Variants in DDAH1 observed in about 807,000 individuals in gnomAD.
DDAH1 encodes the protein N(G),N(G)-dimethylarginine dimethylaminohydrolase 1.
A neutral mutation model predicts 28.8 loss-of-function variants in DDAH1; 19 were observed. The observed-to-expected ratio is 0.66, with a 90% CI of 0.46 to 0.97. The LOEUF (loss-of-function observed/expected upper bound fraction) is 0.97, where lower values mean the gene tolerates loss of function less well. Among genes scored for constraint, DDAH1 ranks in the 50% least tolerant of loss-of-function variants. The pLI, the probability that DDAH1 is intolerant of heterozygous loss-of-function variation, is 0.00. For synonymous variants in DDAH1, 153 were observed against 154.4 expected (o/e 0.99, Z 0.07); for missense variants, 326 against 375.9 (o/e 0.87, Z 1.10).
At chr1:85,363,238 G>A (rs550230454) in intron 1 of DDAH1, among the ~76,000 whole-genome samples, 1 of 152,282 alleles carries the variant, frequency 6.6e-6, no homozygotes, top group Admixed American at 6.5e-5. Flanking sequence ...TAAAGAATAT[G>A]CACCAATCTG....
chr1:85,549,225 G>A lies in DDAH1; in HGVS notation c.-123+28759C>T, dbSNP rs181505239. On this transcript the variant is annotated intron_variant, in intron 1 of 6. Transcript: ENST00000426972. Reference sequence around the variant, plus strand: ...AGTATTTTTGTCTCTCTTTCAGCATGGAATAAACTTTTTATTACACTACAC... The same window carrying A: ...AGTATTTTTGTCTCTCTTTCAGCATAGAATAAACTTTTTATTACACTACAC... Among the ~76,000 whole-genome samples, 136 of 152,210 alleles carry A rather than the reference G, an allele frequency of 8.9e-4. 2 individuals are homozygous for A. The East Asian group carries it at 0.019, about 21-fold the overall frequency.
At chr1:85,543,738 A>C (rs2100787681) in intron 1 of DDAH1, among the ~76,000 whole-genome samples, 1 of 152,332 alleles carries the variant, frequency 6.6e-6, no homozygotes, top group African/African-American at 2.4e-5. Context: ...ATATACATCT[A>C]TAAAAGTGGG....
intron 1 of DDAH1, among the ~76,000 whole-genome samples, chr1:85,407,267 T>C (rs1350482491): frequency 6.6e-6 from 1 of 152,156 alleles, no homozygotes; most frequent in African/African-American, 2.4e-5. Flanking sequence ...TTACAGACCA[T>C]GTAGAATAAA....
chr1:85,357,263 G>T (rs571392814), intron 2 of DDAH1, among the ~76,000 whole-genome samples: 2 of 152,180 alleles, frequency 1.3e-5, no homozygotes, highest in South Asian at 4.1e-4. Context: ...GGTTCAATGG[G>T]CATGCAAACC....
chr1:85,503,994 T>C lies in DDAH1; in HGVS notation c.-122-7713A>G, dbSNP rs529946401. ...GGCTTACAAGTCCACAGTAAAGAGT[T>C]TGGATTTTATTATAAATACAGGGAA... On this transcript the variant is annotated intron_variant, in intron 1 of 6. Coordinates refer to the DDAH1 transcript ENST00000426972. Among the ~76,000 whole-genome samples, 86 of 152,264 alleles carry C rather than the reference T, an allele frequency of 5.6e-4. 1 individual carries two copies. In the South Asian group the frequency reaches 0.016, roughly 28 times the overall value.
chr1:85,577,979 C>A, intron 1 of DDAH1: 1 of 985,500 alleles, frequency 1.0e-6, no homozygotes, highest in Non-Finnish European at 1.2e-6. Flanking sequence ...CGAAGCAACA[C>A]TTACCCATAA....
intron 1 of DDAH1, among the ~76,000 whole-genome samples, chr1:85,544,682 C>T (rs1291380360): frequency 6.6e-6 from 1 of 152,172 alleles, no homozygotes; most frequent in East Asian, 1.9e-4. Context: ...TCATCAGAGA[C>T]TATAAGACCC....
intron 4 of DDAH1, among the ~76,000 whole-genome samples, chr1:85,335,066 A>AT (rs1648022603): frequency 1.3e-5 from 2 of 152,280 alleles, no homozygotes; most frequent in South Asian, 4.1e-4. Context: ...TGAAAGAACA[A>AT]TACCTTCCAT....
chr1:85,328,600 G>C (rs888819597), intron 4 of DDAH1, among the ~76,000 whole-genome samples: 2 of 152,190 alleles, frequency 1.3e-5, no homozygotes, highest in African/African-American at 4.8e-5. Flanking sequence ...CGGTCATCCT[G>C]TCACATGAAT....
intron 2 of DDAH1, chr1:85,494,031 C>T (rs1332298768): frequency 2.6e-5 from 4 of 152,142 alleles, no homozygotes. Flanking sequence ...GCTGGCTTAT[C>T]CACTGACTTA....
intron 2 of DDAH1, among the ~76,000 whole-genome samples, chr1:85,483,077 G>A (rs1656065574): frequency 6.6e-6 from 1 of 151,864 alleles, no homozygotes; most frequent in African/African-American, 2.4e-5. Flanking sequence ...AACTGTGCGT[G>A]GTGGCACATG....
At chr1:85,394,546 G>C (rs996990051) in intron 1 of DDAH1, among the ~76,000 whole-genome samples, 8 of 152,042 alleles carry the variant, frequency 5.3e-5, no homozygotes, top group Admixed American at 5.2e-4. Context: ...GTAAATCTTT[G>C]GTAAATAAGG....
chr1:85,505,663 T>C (rs190691142), intron 1 of DDAH1, among the ~76,000 whole-genome samples: 7 of 152,294 alleles, frequency 4.6e-5, no homozygotes, highest in East Asian at 1.9e-4. Context: ...TTGAGCAAGA[T>C]TGTGCTAGAA....
chr1:85,454,491 G>A (rs1654798320), intron 1 of DDAH1, among the ~76,000 whole-genome samples: 1 of 152,204 alleles, frequency 6.6e-6, no homozygotes, highest in Admixed American at 6.5e-5. Flanking sequence ...GAATGGCCCT[G>A]CAGAATTTCT....
At chr1:85,329,699 C>T (rs1258591648) in intron 4 of DDAH1, among the ~76,000 whole-genome samples, 2 of 152,200 alleles carry the variant, frequency 1.3e-5, no homozygotes, top group South Asian at 2.1e-4. Context: ...AACAAAGCTA[C>T]CTTAGGAGAA....
At position 85,541,505 on chromosome 1, in the gene DDAH1, AT is replaced by A. The variant is rs1658470681; in HGVS notation, c.-123+36478del. On this transcript the variant is annotated intron_variant, in intron 1 of 6. Coordinates refer to the DDAH1 transcript ENST00000426972. ...CTTCTCAGGTATTGCAACTTCAGAC[AT>A]TAGTAAATGATGCTGTGTTGGGTTT... is the stretch of plus-strand genomic sequence containing the variant. Among the ~76,000 whole-genome samples the A allele has an allele frequency of 5.9e-5, 9 of 152,324 alleles. No individual in the cohort carries two copies. The South Asian group carries it at 1.9e-3, about 32-fold the overall frequency.
intron 2 of DDAH1, among the ~76,000 whole-genome samples, chr1:85,481,724 T>A (rs1656022340): frequency 6.6e-6 from 1 of 152,182 alleles, no homozygotes; most frequent in Admixed American, 6.5e-5. Flanking sequence ...ATTTAATGAG[T>A]GTGAAATCCC....
chr1:85,327,212 A>T (rs1647460135), intron 4 of DDAH1, among the ~76,000 whole-genome samples: 1 of 152,164 alleles, frequency 6.6e-6, no homozygotes, highest in Admixed American at 6.5e-5. Context: ...GGTGGCACAC[A>T]CCTGTAGTCA....
At chr1:85,433,304 T>G (rs537357635) in intron 1 of DDAH1, among the ~76,000 whole-genome samples, 1 of 152,018 alleles carries the variant, frequency 6.6e-6, no homozygotes, top group South Asian at 2.1e-4. Flanking sequence ...GCAGCAGGGG[T>G]TTGAGCTTGG....
Sources: allele counts gnomAD v4.1 joint callset (sites outside exome capture counted in the v4.1 genomes callset), GRCh38; gene constraint gnomAD v4.1.1; transcripts MANE v1.5; gene names NCBI Gene and HGNC (gene_info 2026-07-23, HGNC 2026-07-21).